Variants in ZNF577 observed in about 807,000 individuals in gnomAD.
The protein encoded by ZNF577 is zinc finger protein 577.
In ZNF577, 14 loss-of-function variants were observed where a neutral mutation model predicts 13.9. That is an observed-to-expected ratio of 1.00 (90% CI 0.66 to 1.57). The LOEUF (loss-of-function observed/expected upper bound fraction) is 1.57. ZNF577 is among the 40% of genes most tolerant of loss of function. ZNF577 has a pLI of 0.00. For synonymous variants in ZNF577, 203 were observed against 202.9 expected (o/e 1.00, Z 0.00); for missense variants, 555 against 579.2 (o/e 0.96, Z 0.43).
rs753183767 is a variant in ZNF577 at position 51,824,479 on chromosome 19, C to T, written c.*600-12805G>A. On this transcript the variant is annotated intron_variant and NMD_transcript_variant, in intron 9 of 10. Coordinates refer to the ZNF577 transcript ENST00000638827. This position sits in a 1 kb window ranked among gnomAD's most constrained non-coding sequence, Gnocchi z 4.7. ...TCCAGCCGTCCCTTACGTGTCTTCG[C>T]TGCTGTGGTGGCTTCTTTCTTCATC... 2.5e-6 allele frequency: 4 copies of T among 1,614,088 alleles called. No homozygotes were observed. Among genetic ancestry groups the T allele is most frequent in the Non-Finnish European group, 3.4e-6 (4 of 1,180,000 alleles).
chr19:51,852,072 G>A (rs551795530), intron 5 of ZNF577, among the ~76,000 whole-genome samples: 3 of 152,290 alleles, frequency 2.0e-5, no homozygotes, highest in Non-Finnish European at 4.4e-5. Context: ...CTGCACATCC[G>A]CTTCCACCCA....
intron 9 of ZNF577, among the ~76,000 whole-genome samples, chr19:51,830,215 T>C (rs2084255198): frequency 6.6e-6 from 1 of 151,770 alleles, no homozygotes; most frequent in Non-Finnish European, 1.5e-5. Context: ...GAAATGAAAA[T>C]AGTCTCTCTG....
intron 9 of ZNF577, among the ~76,000 whole-genome samples, chr19:51,822,617 T>C (rs1195340659): frequency 6.6e-6 from 1 of 152,152 alleles, no homozygotes; most frequent in East Asian, 1.9e-4. Context: ...ACAATGAATA[T>C]TACAGAGCTA....
chr19:51,861,072 T>C (rs931690734), intron 5 of ZNF577: 1 of 373,228 alleles, frequency 2.7e-6, no homozygotes, highest in Non-Finnish European at 5.0e-6. Flanking sequence ...AGTTTTCTAA[T>C]AAACTTTTTT....
At position 51,836,815 on chromosome 19, in the gene ZNF577, G is replaced by A. The variant is rs867368584; in HGVS notation, c.*599+3078C>T. On this transcript the variant is annotated intron_variant and NMD_transcript_variant, in intron 9 of 10. Coordinates refer to the ZNF577 transcript ENST00000638827. ...TACCAGCACTTTGGGAGGCTGCGGC[G>A]GGTGGATCACCTGAGGTCAGGAGTT... is the stretch of plus-strand genomic sequence containing the variant. Among the ~76,000 whole-genome samples, 12 of 152,154 alleles carry A rather than the reference G, an allele frequency of 7.9e-5. No individual in the cohort carries two copies. In the South Asian group the frequency reaches 1.0e-3, roughly 13 times the overall value.
Position 51,841,235 on chromosome 19 carries a change from A to T in ZNF577, c.*375-1118T>A, listed in dbSNP as rs531813122. Reference sequence around the variant, plus strand: ...CAGGCCCCTCTCACCCAGGCCTATAAATTGCCCCAGCCTATAAGCGGTGGG... The same window carrying T: ...CAGGCCCCTCTCACCCAGGCCTATATATTGCCCCAGCCTATAAGCGGTGGG... On this transcript the variant is annotated intron_variant and NMD_transcript_variant, in intron 8 of 10. Transcript: ENST00000638827. 1.2e-4 allele frequency among the ~76,000 whole-genome samples: 18 copies of T among 152,254 alleles called. No individual in the cohort carries two copies. In the South Asian group the frequency reaches 3.5e-3, roughly 30 times the overall value.
intron 9 of ZNF577, among the ~76,000 whole-genome samples, chr19:51,837,290 A>C (rs1334421895): frequency 6.6e-6 from 1 of 152,106 alleles, no homozygotes; most frequent in African/African-American, 2.4e-5. Context: ...CTTAGTTCTT[A>C]TTGGTTAACA....
chr19:51,859,319 A>G (rs974904257), intron 5 of ZNF577, among the ~76,000 whole-genome samples: 27 of 152,270 alleles, frequency 1.8e-4, no homozygotes, highest in African/African-American at 6.0e-4. Flanking sequence ...ATGGACAAAT[A>G]TTTGGTTGAG....
At position 51,880,718 on chromosome 19, in the gene ZNF577, A is replaced by T. The variant is rs1234681316; in HGVS notation, c.-59T>A. 6 of 308,644 alleles carry T rather than the reference A, an allele frequency of 1.9e-5. No homozygotes were observed. Among genetic ancestry groups the T allele is most frequent in the Admixed American group, 1.9e-4 (4 of 21,594 alleles). The allele number at this position is 308,644 out of a possible 1,614,324, so 19.1% of individuals were successfully genotyped here. On this transcript the variant is annotated 5_prime_UTR_variant, in exon 2 of 6. Coordinates refer to ENST00000638348, the MANE Select transcript of ZNF577 (RefSeq NM_001370449.1). ...TTTCGTTCAACTCTTAGGGGCTAGC[A>T]ACTCTAGTATGTTCTCTCTCTTCTG...
chr19:51,854,222 C>T (rs1315691009), intron 5 of ZNF577, among the ~76,000 whole-genome samples: 1 of 152,166 alleles, frequency 6.6e-6, no homozygotes, highest in African/African-American at 2.4e-5. Flanking sequence ...TAAATATCCT[C>T]AGTGCTCATC....
intron 9 of ZNF577, among the ~76,000 whole-genome samples, chr19:51,829,018 G>T (rs1014960178): frequency 1.3e-5 from 2 of 152,178 alleles, no homozygotes; most frequent in African/African-American, 4.8e-5. Flanking sequence ...TATATATGCT[G>T]CTCTTGTTAC....
chr19:51,847,114 T>C (rs1236578469), intron 5 of ZNF577, among the ~76,000 whole-genome samples: 1 of 152,180 alleles, frequency 6.6e-6, no homozygotes, highest in South Asian at 2.1e-4. Context: ...TAATTTCAAG[T>C]GTATACAAAC....
In ZNF577 at chr19:51,872,927, A is replaced by G; in HGVS notation, c.1063T>C (p.Ser355Pro). ...QRTHTGERPY[S>P]CRECGKAFAH... Reference sequence around the variant, plus strand: ...AAGGCTTTGCCACATTCTCTGCATGAATATGGTCTCTCTCCAGTGTGAGTA... The same window carrying G: ...AAGGCTTTGCCACATTCTCTGCATGGATATGGTCTCTCTCCAGTGTGAGTA... Residue 355 changes from serine (S) to proline (P), a missense_variant, in exon 6 of 6, where the codon TCA becomes CCA. Transcript: ENST00000638348. The G allele has an allele frequency of 1.9e-6, 3 of 1,614,180 alleles. No individual in the cohort carries two copies.
rs919235495 is a variant in ZNF577, at chr19:51,871,398, T to C, written c.*1134A>G. The C allele has an allele frequency of 6.6e-6, 1 of 151,992 alleles. No individual in the cohort carries two copies. The highest frequency in any genetic ancestry group is 2.4e-5 in the African/African-American group (1 of 41,382). 9.4% of individuals were successfully genotyped at this position (151,992 alleles called of 1,614,324 possible). On this transcript the variant is annotated 3_prime_UTR_variant, in exon 6 of 6. Coordinates refer to ENST00000638348, the MANE Select transcript of ZNF577 (RefSeq NM_001370449.1). ...TCCCAAAGTGCTGAGATTACAGGTG[T>C]GAGCCACTGTGCCTGGCCAGGTAGG...
At chr19:51,816,399 C>T (rs369597484) in intron 9 of ZNF577, among the ~76,000 whole-genome samples, 1 of 152,128 alleles carries the variant, frequency 6.6e-6, no homozygotes, top group African/African-American at 2.4e-5. Flanking sequence ...TGGCATGTGC[C>T]ACTACACCCG....
At chr19:51,817,520 T>TG (rs1020705369) in intron 9 of ZNF577, among the ~76,000 whole-genome samples, 9 of 149,384 alleles carry the variant, frequency 6.0e-5, no homozygotes, top group Admixed American at 4.8e-4. Context: ...TGTTTTGTTT[T>TG]TTTTTTTAAA....
At chr19:51,828,329 C>T (rs2084242278) in intron 9 of ZNF577, among the ~76,000 whole-genome samples, 1 of 150,418 alleles carries the variant, frequency 6.6e-6, no homozygotes, top group South Asian at 2.1e-4. Context: ...GAATGTGCCA[C>T]TGCACTCTAG....
intron 9 of ZNF577, among the ~76,000 whole-genome samples, chr19:51,837,911 T>C (rs1259692821): frequency 6.6e-6 from 1 of 152,200 alleles, no homozygotes; most frequent in Non-Finnish European, 1.5e-5. Flanking sequence ...TAAGTTGCAT[T>C]TATTACAGAA....
intron 9 of ZNF577, among the ~76,000 whole-genome samples, chr19:51,827,320 TCTCA>T (rs2084237301): frequency 6.6e-6 from 1 of 152,202 alleles, no homozygotes; most frequent in South Asian, 2.1e-4. Flanking sequence ...GTTAGATTTC[TCTCA>T]CTGTCAAAAT....
Sources: gnomAD v4.1 joint callset for allele counts (sites outside exome capture counted in the v4.1 genomes callset) on GRCh38, gnomAD v4.1.1 for gene constraint, Gnocchi (gnomAD v3.1) non-coding constraint, MANE v1.5 for transcripts, NCBI Gene and HGNC (gene_info 2026-07-23, HGNC 2026-07-21) for gene names.